Variants in CEP112 observed in about 807,000 individuals in gnomAD.
CEP112 encodes centrosomal protein 112.
CEP112 carries 127 observed loss-of-function variants against 153.0 expected under a neutral mutation model. The ratio of observed to expected loss-of-function variants is 0.83; its 90% CI spans 0.72 to 0.96. The LOEUF (loss-of-function observed/expected upper bound fraction) is 0.96. Ranked by LOEUF, CEP112 falls within the 40% of genes least tolerant of loss-of-function variation. The pLI, the probability that CEP112 is intolerant of heterozygous loss-of-function variation, is 0.00. For synonymous variants in CEP112, 358 were observed against 374.4 expected (o/e 0.96, Z 0.51); for missense variants, 1,089 against 1,101.2 (o/e 0.99, Z 0.16).
At chr17:65,658,840 G>A (rs1370923332) in intron 24 of CEP112, among the ~76,000 whole-genome samples, 5 of 151,778 alleles carry the variant, frequency 3.3e-5, no homozygotes, top group Non-Finnish European at 7.4e-5. Flanking sequence ...GAGATGAGAC[G>A]AAAGTTAGGA....
chr17:65,875,356 G>GTA (rs2058792366), intron 20 of CEP112, among the ~76,000 whole-genome samples: 1 of 152,016 alleles, frequency 6.6e-6, no homozygotes, highest in African/African-American at 2.4e-5. Context: ...AAACCAAGTA[G>GTA]TATAGAAATG....
At chr17:65,969,082 A>ATTTTT (rs199636922) in intron 17 of CEP112, among the ~76,000 whole-genome samples, 4 of 141,354 alleles carry the variant, frequency 2.8e-5, no homozygotes, top group African/African-American at 1.0e-4. Context: ...GTGTGTGTGG[A>ATTTTT]TTTTTTTTTT....
chr17:66,078,255 T>C, intron 8 of CEP112, among the ~76,000 whole-genome samples: 1 of 52,500 alleles, frequency 1.9e-5, no homozygotes, highest in South Asian at 1.3e-3. Context: ...TTCTTTTCTT[T>C]TCTTTTTCTT....
intron 24 of CEP112, among the ~76,000 whole-genome samples, chr17:65,675,404 C>T (rs1230893349): frequency 6.6e-6 from 1 of 152,104 alleles, no homozygotes; most frequent in African/African-American, 2.4e-5. Context: ...TGGGGTTTCA[C>T]CATATTGGCC....
At chr17:65,928,477 T>C (rs73346896) in intron 18 of CEP112, among the ~76,000 whole-genome samples, 5,894 of 152,312 alleles carry the variant, frequency 0.039, 339 homozygotes, top group African/African-American at 0.12. Context: ...CAAATGTTTA[T>C]AGTAGCATTA....
chr17:65,671,427 C>T lies in CEP112; in HGVS notation c.2697+17702G>A, dbSNP rs114353913. Among the ~76,000 whole-genome samples, 786 of 152,206 alleles carry T rather than the reference C, an allele frequency of 5.2e-3. 5 individuals carry two copies. The highest frequency in any genetic ancestry group is 0.017 in the African/African-American group (713 of 41,536). ...AAAAAGTCTCTTTGTGACTGATGTA[C>T]GGACAAGAAGAATGGTGTTTCTATC... On this transcript the variant is annotated intron_variant, in intron 24 of 26. Coordinates refer to ENST00000535342, the MANE Select transcript of CEP112 (RefSeq NM_001199165.4).
chr17:65,759,932 T>C (rs751620692), intron 21 of CEP112, among the ~76,000 whole-genome samples: 1 of 152,114 alleles, frequency 6.6e-6, no homozygotes, highest in Non-Finnish European at 1.5e-5. Context: ...GATAAACCCA[T>C]TGTAAAGTCA....
chr17:65,824,375 A>G (rs1314120192), intron 21 of CEP112, among the ~76,000 whole-genome samples: 1 of 152,234 alleles, frequency 6.6e-6, no homozygotes, highest in African/African-American at 2.4e-5. Flanking sequence ...CAGAAAATAC[A>G]TGAGTGATTA....
At chr17:66,123,729 T>C (rs1271205070) in intron 6 of CEP112, among the ~76,000 whole-genome samples, 6 of 152,350 alleles carry the variant, frequency 3.9e-5, no homozygotes, top group African/African-American at 1.4e-4. Context: ...CACATTTTGA[T>C]ATGTTGTGTT....
In CEP112 at chr17:66,106,804, T is replaced by A. The variant is rs568198525; in HGVS notation, c.643-10172A>T. Among the ~76,000 whole-genome samples, 11 of 152,138 alleles carry A rather than the reference T, an allele frequency of 7.2e-5. No homozygotes were observed. The East Asian group carries it at 2.1e-3, about 29-fold the overall frequency. On this transcript the variant is annotated intron_variant, in intron 6 of 26. Transcript: ENST00000535342. ...TCCTAACTCATTCTCAAGGCTAGTA[T>A]TACCCTGATACCAAAACCAGACAAA...
At chr17:65,878,022 A>G (rs2058900012) in intron 20 of CEP112, among the ~76,000 whole-genome samples, 1 of 152,248 alleles carries the variant, frequency 6.6e-6, no homozygotes, top group East Asian at 1.9e-4. Flanking sequence ...AGAATAGGCA[A>G]CTCCTCATTC....
intron 20 of CEP112, among the ~76,000 whole-genome samples, chr17:65,870,640 G>GA (rs1239317396): frequency 6.6e-6 from 1 of 152,100 alleles, no homozygotes; most frequent in Non-Finnish European, 1.5e-5. Flanking sequence ...GAAAAATGCA[G>GA]AAAATCAGTA....
chr17:65,682,425 T>C (rs1441684837), intron 24 of CEP112, among the ~76,000 whole-genome samples: 1 of 152,188 alleles, frequency 6.6e-6, no homozygotes, highest in African/African-American at 2.4e-5. Context: ...TCTGAATTGG[T>C]CTCCTTTCAT....
At chr17:65,913,131 A>C (rs1362664) in intron 19 of CEP112, among the ~76,000 whole-genome samples, 62,194 of 152,096 alleles carry the variant, frequency 0.41, 13,257 homozygotes, top group South Asian at 0.64. Flanking sequence ...TGTCTCTGAA[A>C]AATTTGCATC....
chr17:66,134,972 T>C (rs900897756), intron 4 of CEP112, among the ~76,000 whole-genome samples: 3 of 152,236 alleles, frequency 2.0e-5, no homozygotes, highest in African/African-American at 7.2e-5. Context: ...TCATTTTACA[T>C]GCTTTCTCTG....
intron 21 of CEP112, among the ~76,000 whole-genome samples, chr17:65,796,310 T>C (rs550623025): frequency 9.2e-5 from 14 of 152,318 alleles, no homozygotes; most frequent in African/African-American, 2.4e-4. Flanking sequence ...CCTTATAAGA[T>C]TAGCACAGTT....
chr17:66,149,884 GTTTGTTTTTT>G (rs1297326321), intron 4 of CEP112, among the ~76,000 whole-genome samples: 3 of 46,838 alleles, frequency 6.4e-5, no homozygotes, highest in African/African-American at 8.3e-5. Flanking sequence ...TTTTTTGTTT[GTTTGTTTTTT>G]TTTTTTTTTT....
intron 16 of CEP112, among the ~76,000 whole-genome samples, chr17:66,011,115 T>C: frequency 6.6e-6 from 1 of 152,170 alleles, no homozygotes; most frequent in Non-Finnish European, 1.5e-5. Context: ...GTAGGCTTTT[T>C]ATTACTGATT....
chr17:66,115,956 G>A lies in CEP112; in HGVS notation c.642+13790C>T, dbSNP rs545711042. On this transcript the variant is annotated intron_variant, in intron 6 of 26. Coordinates refer to ENST00000535342, the MANE Select transcript of CEP112 (RefSeq NM_001199165.4). ...GTGATAGCTGCCCTCAATAAGCCCC[G>A]AAATGAAGGTTAAAGCAGGTCTCAA... 8.5e-5 allele frequency among the ~76,000 whole-genome samples: 13 copies of A among 152,210 alleles called. No individual in the cohort carries two copies. The East Asian group carries it at 1.4e-3, about 16-fold the overall frequency.
Sources: gnomAD v4.1 joint callset for allele counts (sites outside exome capture counted in the v4.1 genomes callset) on GRCh38, gnomAD v4.1.1 for gene constraint, MANE v1.5 for transcripts, NCBI Gene and HGNC (gene_info 2026-07-23, HGNC 2026-07-21) for gene names.